The following WLS variants were observed in gnomAD, a reference collection of about 807,000 sequenced individuals.
WLS encodes Wnt ligand secretion mediator.
WLS carries 23 observed loss-of-function variants against 62.8 expected under a neutral mutation model. The observed-to-expected ratio is 0.37, with a 90% confidence interval of 0.26 to 0.52. WLS has a LOEUF of 0.52. Ranked by LOEUF, WLS falls within the 20% of genes least tolerant of loss-of-function variation. The probability of loss-of-function intolerance (pLI) is 0.92; values close to 1 mark genes in which losing one functional copy is unlikely to be tolerated. For missense variants in WLS, 615 were observed against 697.3 expected (o/e 0.88, Z 1.33); for synonymous variants, 246 against 244.1 (o/e 1.01, Z -0.07).
intron 11 of WLS, among the ~76,000 whole-genome samples, chr1:68,114,855 C>A (rs1034013637): frequency 5.3e-5 from 8 of 152,218 alleles, no homozygotes; most frequent in African/African-American, 1.7e-4. Context: ...GGGGGTGCCA[C>A]TTAGGTGTGA....
At chr1:68,109,679 T>C (rs565151985) in intron 11 of WLS, among the ~76,000 whole-genome samples, 1 of 151,980 alleles carries the variant, frequency 6.6e-6, no homozygotes, top group African/African-American at 2.4e-5. Flanking sequence ...AAACAGAATA[T>C]AGCACAGGAA....
At chr1:68,138,901 A>T (rs1490044720) in intron 10 of WLS, among the ~76,000 whole-genome samples, 1 of 152,208 alleles carries the variant, frequency 6.6e-6, no homozygotes, top group Non-Finnish European at 1.5e-5. Context: ...AAATTGTAAG[A>T]TGGCAGGCTA....
intron 2 of WLS, among the ~76,000 whole-genome samples, chr1:68,186,158 G>T (rs975405114): frequency 4.6e-5 from 7 of 152,134 alleles, no homozygotes; most frequent in Non-Finnish European, 1.0e-4. Flanking sequence ...AAAGGCACTG[G>T]CTTGATTAAA....
chr1:68,217,644 C>G (rs926008330), intron 1 of WLS, among the ~76,000 whole-genome samples: 7 of 152,204 alleles, frequency 4.6e-5, no homozygotes, highest in Non-Finnish European at 1.0e-4. Context: ...TGCCTTAAAA[C>G]TCCGGGGTCC....
intron 3 of WLS, among the ~76,000 whole-genome samples, 186 bp downstream of exon 3, chr1:68,158,937 T>C (rs1570913649): frequency 6.6e-6 from 1 of 152,144 alleles, no homozygotes. Context: ...TTAACAGTAA[T>C]AGGCAAAAGC....
rs1169016542 is a variant in WLS at position 68,148,662 on chromosome 1, T to A, written c.973-2A>T. On this transcript the variant is annotated splice_acceptor_variant, in intron 6 of 11. Coordinates refer to ENST00000262348, the MANE Select transcript of WLS (RefSeq NM_024911.7). LOFTEE classifies it high-confidence loss of function. ...GATGTGGTTCCGCTCGTGCTGATCC[T>A]GAGGAAAACCAAATTGAGAAGGGAG... 1.2e-6 allele frequency: 2 copies of A among 1,613,416 alleles called. No homozygotes were observed. Among genetic ancestry groups the A allele is most frequent in the South Asian group, 2.2e-5 (2 of 90,796 alleles).
chr1:68,134,176 T>C (rs1208199905), intron 11 of WLS, among the ~76,000 whole-genome samples: 1 of 152,128 alleles, frequency 6.6e-6, no homozygotes, highest in Non-Finnish European at 1.5e-5. Context: ...CACATAATAT[T>C]CCAAACTAGG....
At chr1:68,143,862 G>A (rs991489461) in intron 10 of WLS, among the ~76,000 whole-genome samples, 1 of 152,128 alleles carries the variant, frequency 6.6e-6, no homozygotes, top group Non-Finnish European at 1.5e-5. Flanking sequence ...GAACTGTTAA[G>A]TAATCCATCC....
intron 1 of WLS, among the ~76,000 whole-genome samples, chr1:68,217,708 T>A (rs567620594): frequency 6.6e-6 from 1 of 152,288 alleles, no homozygotes; most frequent in East Asian, 1.9e-4. Flanking sequence ...GGGCTTTGGA[T>A]AACGTGGGCT....
At chr1:68,209,904 A>T (rs569498346) in intron 1 of WLS, among the ~76,000 whole-genome samples, 66 of 152,328 alleles carry the variant, frequency 4.3e-4, no homozygotes, top group Non-Finnish European at 8.5e-4. Flanking sequence ...TGGGGTTTGA[A>T]CCTAATCTGT....
At chr1:68,162,540 G>T in intron 2 of WLS, 1 of 1,602,794 alleles carries the variant, frequency 6.2e-7, no homozygotes, top group Non-Finnish European at 8.5e-7. Context: ...AGCCGATGAG[G>T]CCCAGCATTT....
chr1:68,171,146 A>G (rs1202401372), intron 2 of WLS, among the ~76,000 whole-genome samples: 3 of 152,168 alleles, frequency 2.0e-5, no homozygotes, highest in Non-Finnish European at 4.4e-5. Context: ...TGTTTCCACC[A>G]AATATTTTTG....
chr1:68,155,940 A>G (rs1416339657), intron 3 of WLS, among the ~76,000 whole-genome samples: 1 of 152,164 alleles, frequency 6.6e-6, no homozygotes, highest in African/African-American at 2.4e-5. Flanking sequence ...GGCAGAAGGG[A>G]ATAGAAGTTT....
intron 11 of WLS, among the ~76,000 whole-genome samples, chr1:68,110,006 G>GT (rs1491122823): frequency 3.5e-3 from 12 of 3,410 alleles, no homozygotes; most frequent in Non-Finnish European, 1.8e-3. Flanking sequence ...AACACAAAAA[G>GT]TAAAAAAAAA....
chr1:68,179,685 C>T (rs998719306), intron 2 of WLS, among the ~76,000 whole-genome samples: 5 of 152,244 alleles, frequency 3.3e-5, no homozygotes, highest in African/African-American at 9.6e-5. Flanking sequence ...GAATAGAAAG[C>T]TGTCAGGAGG....
Position 68,141,972 on chromosome 1 carries a change from A to C in WLS, c.1362+2597T>G, listed in dbSNP as rs575685041. Among the ~76,000 whole-genome samples the C allele has an allele frequency of 4.6e-5, 7 of 152,312 alleles. No homozygotes were observed. In the South Asian group the frequency reaches 1.2e-3, roughly 27 times the overall value. ...TAGAGTTGAAATCCACTCCGGGCCGACTGTCGCAGCAGATATAAAAAGCCA... is the reference window on the plus strand; with the variant it reads ...TAGAGTTGAAATCCACTCCGGGCCGCCTGTCGCAGCAGATATAAAAAGCCA... On this transcript the variant is annotated intron_variant, in intron 10 of 11. Transcript: ENST00000262348.
At chr1:68,204,333 T>G (rs537391922) in intron 1 of WLS, among the ~76,000 whole-genome samples, 4 of 152,234 alleles carry the variant, frequency 2.6e-5, no homozygotes, top group East Asian at 1.9e-4. Flanking sequence ...ATTAATTTTT[T>G]TTTTTAGACG....
intron 9 of WLS, among the ~76,000 whole-genome samples, chr1:68,145,184 C>G (rs1007546701): frequency 6.6e-6 from 1 of 152,152 alleles, no homozygotes; most frequent in African/African-American, 2.4e-5. Flanking sequence ...TTCAGGGGCT[C>G]TTCTGTGCAG....
At chr1:68,178,282 T>C (rs1647347043) in intron 2 of WLS, among the ~76,000 whole-genome samples, 1 of 152,238 alleles carries the variant, frequency 6.6e-6, no homozygotes, top group Admixed American at 6.5e-5. Context: ...TGTAATTTTT[T>C]AATTCTCTCT....
Sources: allele counts gnomAD v4.1 joint callset (sites outside exome capture counted in the v4.1 genomes callset), GRCh38; gene constraint gnomAD v4.1.1; transcripts MANE v1.5; gene names NCBI Gene and HGNC (gene_info 2026-07-23, HGNC 2026-07-21).